Variants in CBLB observed in about 807,000 individuals in gnomAD.
The protein encoded by CBLB is E3 ubiquitin-protein ligase CBL-B.
A neutral mutation model predicts 104.9 loss-of-function variants in CBLB; 31 were observed. That is an observed-to-expected ratio of 0.30 (90% CI 0.22 to 0.40). The LOEUF (loss-of-function observed/expected upper bound fraction) is 0.40. Among genes scored for constraint, CBLB ranks in the 10% least tolerant of loss-of-function variants. The pLI, the probability that CBLB is intolerant of heterozygous loss-of-function variation, is 1.00. For synonymous variants in CBLB, 440 were observed against 422.6 expected, an observed-to-expected ratio of 1.04 and a Z score of -0.51; for missense variants, 1,062 against 1,214.6, an observed-to-expected ratio of 0.87 and a Z score of 1.87.
chr3:105,729,813 G>T (rs1251886746), intron 9 of CBLB, among the ~76,000 whole-genome samples: 1 of 152,012 alleles, frequency 6.6e-6, no homozygotes, highest in African/African-American at 2.4e-5. Flanking sequence ...TAACTTTATA[G>T]GACTTTTATT....
chr3:105,697,172 T>C (rs572220372), intron 12 of CBLB, among the ~76,000 whole-genome samples: 94 of 152,108 alleles, frequency 6.2e-4, no homozygotes, highest in Admixed American at 1.4e-3. Flanking sequence ...GGTACTCATA[T>C]AGCTGAATTA....
chr3:105,743,406 G>A (rs2152887873), intron 6 of CBLB, among the ~76,000 whole-genome samples: 1 of 149,950 alleles, frequency 6.7e-6, no homozygotes, highest in South Asian at 2.1e-4. Context: ...CTTACAGTGA[G>A]CCCAGATAGT....
chr3:105,681,836 G>T lies in CBLB; in HGVS notation c.2202-18C>A, dbSNP rs1387371683. On this transcript the variant is annotated intron_variant, in intron 14 of 18. Coordinates refer to ENST00000394030, the MANE Select transcript of CBLB (RefSeq NM_170662.5). The stretch of plus-strand genomic sequence containing the variant: ...CACAAGACCTAAAGGACAGTTCAGA[G>T]TAAAATTATATAAGGAGAATACTTT... The T allele has an allele frequency of 6.3e-6, 9 of 1,426,410 alleles. No homozygotes were observed. The highest frequency in any genetic ancestry group is 1.4e-5 in the African/African-American group (1 of 71,362). The allele number at this position is 1,426,410 out of a possible 1,614,324, so 88.4% of individuals were successfully genotyped here.
intron 3 of CBLB, among the ~76,000 whole-genome samples, chr3:105,813,091 G>A (rs1325063886): frequency 1.3e-5 from 2 of 152,050 alleles, no homozygotes; most frequent in African/African-American, 2.4e-5. Context: ...CTAAACTATG[G>A]CTTAGATAAA....
chr3:105,733,971 A>T, intron 9 of CBLB, 38 bp downstream of exon 9: 1 of 1,591,718 alleles, frequency 6.3e-7, no homozygotes, highest in Non-Finnish European at 8.6e-7. Flanking sequence ...TATTAGTAGG[A>T]CATATAAGAA....
chr3:105,693,230 C>T (rs2067941804), intron 13 of CBLB, among the ~76,000 whole-genome samples: 2 of 152,022 alleles, frequency 1.3e-5, no homozygotes, highest in South Asian at 4.1e-4. Flanking sequence ...ACTCTACCCT[C>T]TTTGATGCAA....
At chr3:105,828,229 A>G (rs563399949) in intron 3 of CBLB, among the ~76,000 whole-genome samples, 110 of 152,132 alleles carry the variant, frequency 7.2e-4, no homozygotes, top group Non-Finnish European at 1.2e-3. Context: ...GCTCACTTCT[A>G]CTCACATCCA....
chr3:105,830,766 T>G (rs1322443115), intron 3 of CBLB, among the ~76,000 whole-genome samples: 1 of 152,244 alleles, frequency 6.6e-6, no homozygotes, highest in Non-Finnish European at 1.5e-5. Flanking sequence ...CAATGTCTAC[T>G]TCTCCTTCAA....
intron 3 of CBLB, among the ~76,000 whole-genome samples, chr3:105,780,907 G>A (rs1156368914): frequency 3.9e-5 from 6 of 152,034 alleles, no homozygotes; most frequent in Middle Eastern, 3.4e-3. Flanking sequence ...TGATCTGCCC[G>A]CCTCGGCCTC....
At chr3:105,725,247 G>C (rs1341701932) in intron 9 of CBLB, among the ~76,000 whole-genome samples, 1 of 152,114 alleles carries the variant, frequency 6.6e-6, no homozygotes, top group East Asian at 1.9e-4. Flanking sequence ...TTTTTACATA[G>C]TAAAAGCTTT....
intron 3 of CBLB, among the ~76,000 whole-genome samples, chr3:105,785,527 T>C (rs559597644): frequency 6.6e-6 from 1 of 152,314 alleles, no homozygotes; most frequent in Admixed American, 6.5e-5. Flanking sequence ...AAATGTAACA[T>C]ATTTGTCATA....
intron 10 of CBLB, among the ~76,000 whole-genome samples, chr3:105,707,873 A>G (rs898957062): frequency 3.3e-5 from 5 of 152,138 alleles, no homozygotes; most frequent in African/African-American, 9.7e-5. Flanking sequence ...AAAAAAACAA[A>G]GTACATCAAT....
intron 3 of CBLB, among the ~76,000 whole-genome samples, chr3:105,831,488 G>C (rs916674618): frequency 2.0e-5 from 3 of 152,198 alleles, no homozygotes; most frequent in African/African-American, 7.2e-5. Context: ...AGATAGAACT[G>C]TCTCTACACC....
chr3:105,766,439 T>C lies in CBLB; in HGVS notation c.566+9957A>G, dbSNP rs1480270640. Reference sequence around the variant, plus strand: ...ATCAAACAGCATTGCATGTTATAGATAAATATTACATGAAAGGAAGAACCA... The same window carrying C: ...ATCAAACAGCATTGCATGTTATAGACAAATATTACATGAAAGGAAGAACCA... On this transcript the variant is annotated intron_variant, in intron 4 of 18. Coordinates refer to ENST00000394030, the MANE Select transcript of CBLB (RefSeq NM_170662.5). 1.3e-5 allele frequency among the ~76,000 whole-genome samples: 2 copies of C among 152,180 alleles called. 1 individual carries two copies. Among genetic ancestry groups the C allele is most frequent in the East Asian group, 3.8e-4 (2 of 5,206 alleles).
At chr3:105,787,398 G>GA (rs1423777869) in intron 3 of CBLB, among the ~76,000 whole-genome samples, 1 of 152,120 alleles carries the variant, frequency 6.6e-6, no homozygotes, top group African/African-American at 2.4e-5. Context: ...ACTATTCCAT[G>GA]ATATGAACAA....
intron 4 of CBLB, among the ~76,000 whole-genome samples, chr3:105,757,155 G>T (rs1245408812): frequency 1.3e-5 from 2 of 152,078 alleles, no homozygotes; most frequent in African/African-American, 2.4e-5. Context: ...TCTCCTTGAT[G>T]TTATATATCC....
At chr3:105,860,295 A>T (rs1266226927) in intron 2 of CBLB, among the ~76,000 whole-genome samples, 1 of 152,220 alleles carries the variant, frequency 6.6e-6, no homozygotes, top group African/African-American at 2.4e-5. Context: ...CAAATAGCAT[A>T]TCCACAACTA....
chr3:105,737,495 C>G (rs535979032), intron 7 of CBLB, among the ~76,000 whole-genome samples: 2 of 152,072 alleles, frequency 1.3e-5, no homozygotes, highest in East Asian at 1.9e-4. Context: ...ACTAAGCAAC[C>G]ATTTTCAATG....
intron 4 of CBLB, among the ~76,000 whole-genome samples, chr3:105,774,676 T>C (rs2079246964): frequency 6.6e-6 from 1 of 152,122 alleles, no homozygotes; most frequent in Non-Finnish European, 1.5e-5. Context: ...TCTGTGGTTA[T>C]AAATAAAGGG....
Sources: allele counts gnomAD v4.1 joint callset (sites outside exome capture counted in the v4.1 genomes callset), GRCh38; gene constraint gnomAD v4.1.1; transcripts MANE v1.5; gene names NCBI Gene and HGNC (gene_info 2026-07-23, HGNC 2026-07-21).